Variants in C19orf18 observed in about 807,000 individuals in gnomAD.
C19orf18 encodes the protein uncharacterized protein C19orf18.
In C19orf18, 21 loss-of-function variants were observed where a neutral mutation model predicts 23.3. The ratio of observed to expected loss-of-function variants is 0.90; its 90% CI spans 0.64 to 1.30. The LOEUF (loss-of-function observed/expected upper bound fraction) is 1.30, where lower values mean the gene tolerates loss of function less well. Among genes scored for constraint, C19orf18 ranks in the 50% most tolerant of loss-of-function variants. C19orf18 has a pLI of 0.00. For missense variants in C19orf18, 249 were observed against 259.6 expected, an observed-to-expected ratio of 0.96 and a Z score of 0.28; for synonymous variants, 96 against 95.2, an observed-to-expected ratio of 1.01 and a Z score of -0.05.
In C19orf18 at chr19:57,961,265, AGAAAGAAAGAAAG is replaced by A. The variant is rs965969174; in HGVS notation, c.532+113_532+125del. 158 of 1,035,156 alleles carry A rather than the reference AGAAAGAAAGAAAG, an allele frequency of 1.5e-4. 2 individuals carry two copies. The highest frequency in any genetic ancestry group is 1.3e-3 in the South Asian group (72 of 56,066). The allele number at this position is 1,035,156 out of a possible 1,614,324, so 64.1% of individuals were successfully genotyped here. A position where few individuals can be genotyped will look rare whatever the true frequency, so the allele number is the denominator to read the frequency against. On this transcript the variant is annotated intron_variant, in intron 5 of 5. Coordinates refer to ENST00000314391, the MANE Select transcript of C19orf18 (RefSeq NM_152474.5). Reference sequence around the variant, plus strand: ...AAAAATGAAAGAAAGAAAGGAAGGAAGAAAGAAAGAAAGGAAAGAAAGAAAGAAAAGAAATGCA... The same window carrying A: ...AAAAATGAAAGAAAGAAAGGAAGGAAGAAAGAAAGAAAGAAAAGAAATGCA...
intron 4 of C19orf18, among the ~76,000 whole-genome samples, chr19:57,966,268 T>C (rs962929373): frequency 1.3e-5 from 2 of 152,150 alleles, no homozygotes; most frequent in African/African-American, 4.8e-5. Context: ...TGAGCCACCA[T>C]GCCCGGCGTA....
At chr19:57,967,519 G>A (rs574394820) in intron 3 of C19orf18, among the ~76,000 whole-genome samples, 14 of 151,980 alleles carry the variant, frequency 9.2e-5, no homozygotes, top group African/African-American at 2.2e-4. Flanking sequence ...TTGGGAGGCC[G>A]AGGTGGGCAG....
rs1225806480 is a variant in C19orf18, at chr19:57,974,110, G to A, written c.215C>T (p.Ser72Leu). ...ATTCAATGACTCACCCGTGGATCTC[G>A]AGGCAGCCCCTTGAATCCCAGGCAA... ...TQLPGIQGAA[S>L]RSTAASPTNP... Residue 72 changes from serine (S) to leucine (L), a missense_variant, in exon 2 of 6, where the codon TCG becomes TTG. Coordinates refer to ENST00000314391, the MANE Select transcript of C19orf18 (RefSeq NM_152474.5). 3.1e-6 allele frequency: 5 copies of A among 1,613,838 alleles called. No homozygotes were observed. The highest frequency in any genetic ancestry group is 1.3e-5 in the African/African-American group (1 of 74,890).
Position 57,974,499 on chromosome 19 carries a change from G to A in C19orf18, c.-67C>T, listed in dbSNP as rs1471047814. ...AATACTTAGCTACAGTCCAGCATCT[G>A]TCCTCTATTTATCTGAGGAATCAAG... On this transcript the variant is annotated 5_prime_UTR_variant, in exon 1 of 6. Transcript: ENST00000314391. 6.3e-7 allele frequency: 1 copy of A among 1,579,366 alleles called. No homozygotes were observed. Among genetic ancestry groups the A allele is most frequent in the Non-Finnish European group, 8.6e-7 (1 of 1,157,516 alleles).
At chr19:57,966,247 G>C (rs1342773652) in intron 4 of C19orf18, among the ~76,000 whole-genome samples, 2 of 152,076 alleles carry the variant, frequency 1.3e-5, no homozygotes, top group African/African-American at 4.8e-5. Flanking sequence ...AAAGTGCTGG[G>C]ATTACAAGCG....
intron 5 of C19orf18, among the ~76,000 whole-genome samples, chr19:57,960,442 A>AT (rs937125325): frequency 2.6e-5 from 4 of 151,930 alleles, no homozygotes; most frequent in African/African-American, 9.7e-5. Context: ...AAAAAAAAAA[A>AT]AAAGAACTTC....
intron 4 of C19orf18, among the ~76,000 whole-genome samples, chr19:57,962,150 C>T (rs2072877841): frequency 6.6e-6 from 1 of 152,094 alleles, no homozygotes; most frequent in African/African-American, 2.4e-5. Flanking sequence ...ACCTGCTCAG[C>T]CTCCTAAGTA....
rs1555786773 is a variant in C19orf18, at chr19:57,958,680, T to G, written c.570A>C (p.Lys190Asn). The change falls in exon 6 of 6, where the codon AAA (lysine) becomes AAC (asparagine). Residue 190 changes from lysine to asparagine, a missense_variant. Lys to Asn is a moderately conservative substitution (Grantham distance 94). Coordinates refer to ENST00000314391, the MANE Select transcript of C19orf18 (RefSeq NM_152474.5). ...TTACTGAGTTTTGCTCTTCCTTCAG[T>G]TTCTTCTTAATATTTTTGCTTCTTT... ...ISKRSKNIKK[K>N]LKEEQNSVTE... The G allele has an allele frequency of 6.2e-7, 1 of 1,601,636 alleles. No individual in the cohort carries two copies. Among genetic ancestry groups the G allele is most frequent in the South Asian group, 1.1e-5 (1 of 88,668 alleles).
intron 3 of C19orf18, 150 bp from the exon 4 acceptor site, chr19:57,966,782 T>C: frequency 1.7e-6 from 1 of 595,382 alleles, no homozygotes; most frequent in Admixed American, 2.9e-5. Context: ...TGTTTTGTTT[T>C]CTTTTTTGAC....
intron 3 of C19orf18, among the ~76,000 whole-genome samples, chr19:57,969,426 A>T: frequency 6.6e-6 from 1 of 151,218 alleles, no homozygotes; most frequent in South Asian, 2.1e-4. Context: ...GTGGTGGTGC[A>T]CACCTGCAAT....
chr19:57,973,900 A>AG (rs1408366434), intron 2 of C19orf18, among the ~76,000 whole-genome samples, 199 bp downstream of exon 2: 5 of 145,232 alleles, frequency 3.4e-5, no homozygotes, highest in Admixed American at 6.9e-5. Flanking sequence ...AAAAGAGAAG[A>AG]AAGTGGCAAT....
At chr19:57,966,719 A>G in intron 3 of C19orf18, 87 bp from the exon 4 acceptor site, 3 of 849,854 alleles carry the variant, frequency 3.5e-6, no homozygotes, top group Non-Finnish European at 5.5e-6. Flanking sequence ...TACAGAGGGG[A>G]ATGGAAGTCA....
At position 57,966,649 on chromosome 19, in the gene C19orf18, G is replaced by C. The variant is rs751365502; in HGVS notation, c.269-17C>G. Reference sequence around the variant, plus strand: ...GAATTATTGCTAAAAAGAAAGAAAAGAAAAGAAGTGCTCAAAAATGTTCAT... The same window carrying C: ...GAATTATTGCTAAAAAGAAAGAAAACAAAAGAAGTGCTCAAAAATGTTCAT... On this transcript the variant is annotated splice_polypyrimidine_tract_variant and intron_variant, in intron 3 of 5. Coordinates refer to ENST00000314391, the MANE Select transcript of C19orf18 (RefSeq NM_152474.5). The C allele has an allele frequency of 1.7e-5, 26 of 1,538,204 alleles. No homozygotes were observed. The highest frequency in any genetic ancestry group is 3.4e-5 in the Admixed American group (2 of 59,178).
Position 57,958,657 on chromosome 19 carries a change from A to C in C19orf18, c.593T>G (p.Val198Gly), listed in dbSNP as rs1340022519. The change falls in exon 6 of 6, where the codon GTA becomes GGA. Residue 198 changes from valine to glycine, a missense_variant. Transcript: ENST00000314391. ...KKKLKEEQNS[V>G]TENKTKNASH... is the part of the protein sequence containing the mutation. ...CGCATTCTTTGTTTTGTTTTCTGTT[A>C]CTGAGTTTTGCTCTTCCTTCAGTTT... The C allele has an allele frequency of 1.9e-6, 3 of 1,607,770 alleles. No homozygotes were observed. In the Admixed American group the frequency reaches 5.1e-5, roughly 27 times the overall value.
chr19:57,967,461 C>T (rs1247506544), intron 3 of C19orf18, among the ~76,000 whole-genome samples: 2 of 152,138 alleles, frequency 1.3e-5, no homozygotes, highest in Non-Finnish European at 2.9e-5. Context: ...GGCTTAGAAA[C>T]AACAGACACA....
At chr19:57,969,579 A>AAAAAAAAAAAAAAAAAAC (rs2072931246) in intron 3 of C19orf18, among the ~76,000 whole-genome samples, 5 of 126,516 alleles carry the variant, frequency 4.0e-5, no homozygotes, top group East Asian at 2.0e-4. Flanking sequence ...AAAAAAAAAA[A>AAAAAAAAAAAAAAAAAAC]AAAAAAAAAA....
rs1266990636 is a variant in C19orf18 at position 57,961,489 on chromosome 19, G to A, written c.434C>T (p.Pro145Leu). Residue 145 changes from proline (P) to leucine (L), a missense_variant, in exon 5 of 6, where the codon CCG becomes CTG. Pro to Leu is a moderately conservative substitution (Grantham distance 98). Transcript: ENST00000314391. ...LESLYKNLRIPLLGDEEEGSE... is the reference protein window; with the variant it reads ...LESLYKNLRILLLGDEEEGSE... ...GCCCTCTTCTTCATCTCCTAATAACGGTATCCTGAGGTTCTTATAAAGTGA... is the reference window on the plus strand; with the variant it reads ...GCCCTCTTCTTCATCTCCTAATAACAGTATCCTGAGGTTCTTATAAAGTGA... 38 of 1,613,906 alleles carry A rather than the reference G, an allele frequency of 2.4e-5. No homozygotes were observed. The highest frequency in any genetic ancestry group is 1.6e-4 in the Middle Eastern group (1 of 6,084).
At chr19:57,960,155 A>C (rs188715019) in intron 5 of C19orf18, among the ~76,000 whole-genome samples, 80 of 151,102 alleles carry the variant, frequency 5.3e-4, no homozygotes, top group Admixed American at 4.4e-3. Flanking sequence ...GGCGGGGTGC[A>C]TTGGCTTATG....
intron 3 of C19orf18, among the ~76,000 whole-genome samples, chr19:57,967,374 T>A (rs1470594382): frequency 6.6e-6 from 1 of 152,212 alleles, no homozygotes; most frequent in Non-Finnish European, 1.5e-5. Flanking sequence ...TGTTCGTGAA[T>A]GGGAATGAAA....
Sources: allele counts gnomAD v4.1 joint callset (sites outside exome capture counted in the v4.1 genomes callset), GRCh38; gene constraint gnomAD v4.1.1; transcripts MANE v1.5; gene names NCBI Gene and HGNC (gene_info 2026-07-23, HGNC 2026-07-21).